ICA1: variants seen among roughly 807,000 people sequenced by gnomAD.
ICA1 encodes the protein 69 kDa islet cell autoantigen.
A neutral mutation model predicts 71.0 loss-of-function variants in ICA1; 40 were observed. That is an observed-to-expected ratio of 0.56 (90% CI 0.44 to 0.73). The LOEUF is 0.73. Ranked by LOEUF, ICA1 falls within the 30% of genes least tolerant of loss-of-function variation. ICA1 has a pLI of 0.00. For missense variants in ICA1, 578 were observed against 576.5 expected, an observed-to-expected ratio of 1.00 and a Z score of -0.03; for synonymous variants, 207 against 209.5, an observed-to-expected ratio of 0.99 and a Z score of 0.10.
intron 6 of ICA1, among the ~76,000 whole-genome samples, chr7:8,199,571 G>A (rs183700596): frequency 7.2e-5 from 11 of 152,100 alleles, no homozygotes; most frequent in Middle Eastern, 6.8e-3. Flanking sequence ...AAAATTAGCC[G>A]GGTGTGGTGA....
At chr7:8,167,315 C>A (rs1304683586) in intron 6 of ICA1, among the ~76,000 whole-genome samples, 1 of 152,152 alleles carries the variant, frequency 6.6e-6, no homozygotes, top group African/African-American at 2.4e-5. Flanking sequence ...GAGATCATGT[C>A]CTCTGCAGCA....
intron 1 of ICA1, among the ~76,000 whole-genome samples, chr7:8,244,316 C>T (rs944428422): frequency 3.9e-5 from 6 of 152,150 alleles, no homozygotes; most frequent in Non-Finnish European, 8.8e-5. Context: ...GAAAGGATTC[C>T]CTATTTAATA....
chr7:8,237,384 T>C (rs6949231), intron 1 of ICA1, among the ~76,000 whole-genome samples: 10,607 of 152,280 alleles, frequency 0.07, 915 homozygotes, highest in African/African-American at 0.2. Flanking sequence ...AATTATCATA[T>C]TCTTCTCTTG....
At position 8,218,076 on chromosome 7, in the gene ICA1, T is replaced by C. The variant is rs192371785; in HGVS notation, c.579+229A>G. ...ACATTATAAGAAAATCTGACTTCAATTAAAAGCAGTTATGAAATCCCAGCA... is the reference window on the plus strand; with the variant it reads ...ACATTATAAGAAAATCTGACTTCAACTAAAAGCAGTTATGAAATCCCAGCA... On this transcript the variant is annotated intron_variant, in intron 6 of 13. Coordinates refer to ENST00000402384, the MANE Select transcript of ICA1 (RefSeq NM_001136020.3). 1.2e-4 allele frequency among the ~76,000 whole-genome samples: 18 copies of C among 152,344 alleles called. No individual in the cohort carries two copies. The East Asian group carries it at 3.3e-3, about 28-fold the overall frequency.
At chr7:8,253,901 G>A (rs1013700233) in intron 1 of ICA1, among the ~76,000 whole-genome samples, 6 of 152,140 alleles carry the variant, frequency 3.9e-5, no homozygotes, top group Non-Finnish European at 7.4e-5. Flanking sequence ...TGAATGTGGG[G>A]ACTATAATTA....
intron 6 of ICA1, among the ~76,000 whole-genome samples, chr7:8,192,571 T>C (rs553308275): frequency 6.6e-6 from 1 of 152,346 alleles, no homozygotes; most frequent in Non-Finnish European, 1.5e-5. Flanking sequence ...TTTGAAACAA[T>C]GTAAAGACAA....
At chr7:8,216,420 C>T (rs1795403622) in intron 6 of ICA1, among the ~76,000 whole-genome samples, 1 of 150,084 alleles carries the variant, frequency 6.7e-6, no homozygotes, top group Non-Finnish European at 1.5e-5. Context: ...GCTTCAGCAA[C>T]TTCTGCATGG....
At position 8,144,460 on chromosome 7, in the gene ICA1, A is replaced by G. The variant is rs1796225656; in HGVS notation, c.805-488T>C. ...AAAACCCAGTTTTAAAAAATAACAGAAAACAAAACCTTTTCTTAAAAAACC... is the reference window on the plus strand; with the variant it reads ...AAAACCCAGTTTTAAAAAATAACAGGAAACAAAACCTTTTCTTAAAAAACC... On this transcript the variant is annotated intron_variant, in intron 8 of 13. Transcript: ENST00000402384. The surrounding 1 kb of genome is among the most constrained non-coding windows in gnomAD (Gnocchi z 4.5). 1.3e-5 allele frequency among the ~76,000 whole-genome samples: 2 copies of G among 152,360 alleles called. No individual in the cohort carries two copies. Among genetic ancestry groups the G allele is most frequent in the African/African-American group, 4.8e-5 (2 of 41,582 alleles).
intron 1 of ICA1, among the ~76,000 whole-genome samples, chr7:8,261,390 C>T (rs1406069000): frequency 6.6e-6 from 1 of 152,126 alleles, no homozygotes. Flanking sequence ...GAAGCAGGAG[C>T]TGCAATAGCC....
chr7:8,218,930 C>A (rs1001430935), intron 5 of ICA1: 4 of 261,120 alleles, frequency 1.5e-5, no homozygotes, highest in Non-Finnish European at 3.0e-5. Flanking sequence ...TTAGATCACT[C>A]TCCAAAGGCC....
intron 8 of ICA1, among the ~76,000 whole-genome samples, chr7:8,146,406 T>C (rs1796914615): frequency 1.3e-5 from 2 of 152,158 alleles, no homozygotes; most frequent in Admixed American, 1.3e-4. Flanking sequence ...TGCCGTATAG[T>C]TGGCAAGAGT....
intron 12 of ICA1, among the ~76,000 whole-genome samples, chr7:8,133,458 T>G (rs1792232596): frequency 6.6e-6 from 1 of 152,176 alleles, no homozygotes; most frequent in African/African-American, 2.4e-5. Flanking sequence ...GAGATAGGGT[T>G]TTACTTTGTT....
intron 4 of ICA1, 45 bp downstream of exon 4, chr7:8,228,556 T>A: frequency 8.5e-7 from 1 of 1,179,586 alleles, no homozygotes; most frequent in African/African-American, 1.5e-5. Context: ...AATACCCTGC[T>A]ATTTCTTACT....
At chr7:8,253,016 T>A (rs1233098315) in intron 1 of ICA1, among the ~76,000 whole-genome samples, 2 of 152,174 alleles carry the variant, frequency 1.3e-5, no homozygotes, top group Middle Eastern at 3.2e-3. Context: ...GCCCCCACCT[T>A]ATTTCTTTTT....
rs1408336968 is a variant in ICA1 at position 8,150,483 on chromosome 7, T to A, written c.805-6511A>T. 2.6e-5 allele frequency among the ~76,000 whole-genome samples: 4 copies of A among 152,382 alleles called. No homozygotes were observed. In the East Asian group the frequency reaches 5.8e-4, roughly 22 times the overall value. The stretch of plus-strand genomic sequence containing the variant: ...GTTAAACCTTGTATTCCTGCTTTCC[T>A]GACAGGAAAATGGAGACTTGGAGAG... On this transcript the variant is annotated intron_variant, in intron 8 of 13. Coordinates refer to ENST00000402384, the MANE Select transcript of ICA1 (RefSeq NM_001136020.3).
At chr7:8,261,578 T>TG (rs1364253537) in intron 1 of ICA1, among the ~76,000 whole-genome samples, 2 of 152,124 alleles carry the variant, frequency 1.3e-5, no homozygotes, top group African/African-American at 4.8e-5. Flanking sequence ...GGTACCCATA[T>TG]GCTCTCTGCC....
intron 12 of ICA1, among the ~76,000 whole-genome samples, chr7:8,134,572 A>C (rs1792669056): frequency 6.6e-6 from 1 of 152,150 alleles, no homozygotes; most frequent in Non-Finnish European, 1.5e-5. Context: ...ATTATGACTA[A>C]TCGTAAAGGC....
intron 12 of ICA1, among the ~76,000 whole-genome samples, chr7:8,134,442 T>C (rs1400038753): frequency 1.3e-5 from 2 of 152,150 alleles, no homozygotes; most frequent in African/African-American, 2.4e-5. Context: ...CATAACTACA[T>C]AGACCGAAAA....
At chr7:8,213,273 G>C (rs528912387) in intron 6 of ICA1, among the ~76,000 whole-genome samples, 1 of 152,292 alleles carries the variant, frequency 6.6e-6, no homozygotes, top group South Asian at 2.1e-4. Flanking sequence ...GCAGATAATG[G>C]AATAAGCCCC....
Sources: gnomAD v4.1 joint callset for allele counts (sites outside exome capture counted in the v4.1 genomes callset) on GRCh38, gnomAD v4.1.1 for gene constraint, Gnocchi (gnomAD v3.1) non-coding constraint, MANE v1.5 for transcripts, NCBI Gene and HGNC (gene_info 2026-07-23, HGNC 2026-07-21) for gene names.